FBXL17: variants seen among roughly 807,000 people sequenced by gnomAD.
The protein encoded by FBXL17 is F-box and leucine rich repeat protein 17, also known as F-box/LRR-repeat protein 17.
A neutral mutation model predicts 66.2 loss-of-function variants in FBXL17; 22 were observed. The observed-to-expected ratio is 0.33, with a 90% CI of 0.24 to 0.47. FBXL17 has a LOEUF of 0.47. Among genes scored for constraint, FBXL17 ranks in the 20% least tolerant of loss-of-function variants. The pLI, the probability that FBXL17 is intolerant of heterozygous loss-of-function variation, is 1.00. For missense variants in FBXL17, 878 were observed against 948.2 expected, an observed-to-expected ratio of 0.93 and a Z score of 0.97; for synonymous variants, 474 against 400.5, an observed-to-expected ratio of 1.18 and a Z score of -2.19.
At chr5:108,007,846 A>G (rs1753999253) in intron 7 of FBXL17, among the ~76,000 whole-genome samples, 1 of 152,206 alleles carries the variant, frequency 6.6e-6, no homozygotes. Context: ...TGAGAGCGTC[A>G]TCAGGTTTGT....
intron 6 of FBXL17, among the ~76,000 whole-genome samples, chr5:108,177,506 T>G (rs771109895): frequency 1.1e-4 from 17 of 152,218 alleles, no homozygotes; most frequent in Non-Finnish European, 2.5e-4. Flanking sequence ...ATCATTTAAA[T>G]TAAATATTCT....
intron 7 of FBXL17, among the ~76,000 whole-genome samples, chr5:107,944,228 A>G (rs1387353077): frequency 6.6e-6 from 1 of 152,142 alleles, no homozygotes; most frequent in Non-Finnish European, 1.5e-5. Flanking sequence ...TTCTATTTAC[A>G]CATCTGGTTG....
At chr5:108,121,038 A>G (rs1750472352) in intron 6 of FBXL17, among the ~76,000 whole-genome samples, 1 of 152,216 alleles carries the variant, frequency 6.6e-6, no homozygotes, top group African/African-American at 2.4e-5. Flanking sequence ...ACCGTTAAGA[A>G]AATCTTTTTG....
chr5:108,081,671 C>T (rs1368320524), intron 6 of FBXL17, among the ~76,000 whole-genome samples: 1 of 151,896 alleles, frequency 6.6e-6, no homozygotes, highest in Non-Finnish European at 1.5e-5. Context: ...TGCAGTGAGC[C>T]GAGATCGTGC....
At chr5:108,180,511 A>G (rs989687195) in intron 6 of FBXL17, among the ~76,000 whole-genome samples, 1 of 152,214 alleles carries the variant, frequency 6.6e-6, no homozygotes, top group Admixed American at 6.5e-5. Context: ...GTCTTTAAAA[A>G]AAAAAAGAAA....
At chr5:108,375,855 T>A (rs1749388522) in intron 1 of FBXL17, among the ~76,000 whole-genome samples, 1 of 152,068 alleles carries the variant, frequency 6.6e-6, no homozygotes, top group Non-Finnish European at 1.5e-5. Context: ...TGAATACCGA[T>A]GTGAAAATCT....
chr5:108,081,722 C>CA (rs1442541401), intron 6 of FBXL17, among the ~76,000 whole-genome samples: 1 of 151,544 alleles, frequency 6.6e-6, no homozygotes, highest in Non-Finnish European at 1.5e-5. Flanking sequence ...GACTCTGTCT[C>CA]AAAAAATAAA....
At chr5:108,175,007 A>G (rs1024962584) in intron 6 of FBXL17, among the ~76,000 whole-genome samples, 4 of 152,210 alleles carry the variant, frequency 2.6e-5, no homozygotes, top group African/African-American at 9.6e-5. Context: ...ATGACATTAA[A>G]TTTTCACTTT....
At chr5:107,977,049 TC>T (rs1370167574) in intron 7 of FBXL17, among the ~76,000 whole-genome samples, 1 of 152,196 alleles carries the variant, frequency 6.6e-6, no homozygotes, top group Non-Finnish European at 1.5e-5. Context: ...AATATGCTTA[TC>T]GCTTGCCACT....
intron 6 of FBXL17, among the ~76,000 whole-genome samples, chr5:108,042,189 TG>T (rs1580363002): frequency 6.6e-6 from 1 of 152,348 alleles, no homozygotes; most frequent in East Asian, 1.9e-4. Flanking sequence ...CCACCGCTCC[TG>T]GCCTTCAGTT....
intron 6 of FBXL17, among the ~76,000 whole-genome samples, chr5:108,139,622 C>T (rs970367588): frequency 6.6e-6 from 1 of 152,186 alleles, no homozygotes; most frequent in African/African-American, 2.4e-5. Context: ...AAGGGCCCTA[C>T]CCAATTGCTT....
At chr5:108,230,995 C>A (rs1048210481) in intron 4 of FBXL17, among the ~76,000 whole-genome samples, 2 of 152,134 alleles carry the variant, frequency 1.3e-5, no homozygotes, top group South Asian at 2.1e-4. Flanking sequence ...CCTATTAAAT[C>A]TTAATCAGCA....
At chr5:108,197,960 T>G (rs567303891) in intron 5 of FBXL17, among the ~76,000 whole-genome samples, 9 of 152,252 alleles carry the variant, frequency 5.9e-5, no homozygotes, top group African/African-American at 1.9e-4. Context: ...TTCTATCCCG[T>G]GATCAGATAC....
chr5:108,299,498 A>G (rs568361925), intron 4 of FBXL17: 82 of 940,566 alleles, frequency 8.7e-5, no homozygotes, highest in Non-Finnish European at 9.5e-5. Flanking sequence ...TTGAATAAGG[A>G]AAGAAAAGAA....
intron 8 of FBXL17, chr5:107,880,242 T>G: frequency 2.4e-6 from 1 of 424,494 alleles, no homozygotes; most frequent in Non-Finnish European, 3.2e-6. Context: ...TAATTTTTTT[T>G]TGTTGGGGGA....
rs549903590 is a variant in FBXL17 at position 108,079,491 on chromosome 5, G to C, written c.1746-58490C>G. 3.3e-5 allele frequency among the ~76,000 whole-genome samples: 5 copies of C among 152,066 alleles called. No homozygotes were observed. In the East Asian group the frequency reaches 5.8e-4, roughly 18 times the overall value. On this transcript the variant is annotated intron_variant, in intron 6 of 8. Coordinates refer to ENST00000542267, the MANE Select transcript of FBXL17 (RefSeq NM_001163315.3). ...TTGTATGATATGATGAAAGACACTG[G>C]GTAGAGTTTCAATACTGTTAAAGAC...
intron 6 of FBXL17, among the ~76,000 whole-genome samples, chr5:108,058,156 C>T (rs185454120): frequency 1.5e-3 from 230 of 152,310 alleles, no homozygotes; most frequent in South Asian, 4.4e-3. Context: ...TAAGTATTTA[C>T]TTAGCTAATT....
rs563757677 is a variant in FBXL17 at position 108,238,940 on chromosome 5, T to C, written c.1507-14712A>G. On this transcript the variant is annotated intron_variant, in intron 4 of 8. Transcript: ENST00000542267. ...TCAAATATTTTAAGTTGTAATTATATGACTGATATCATTTCAGTAGAGAGC... is the reference window on the plus strand; with the variant it reads ...TCAAATATTTTAAGTTGTAATTATACGACTGATATCATTTCAGTAGAGAGC... Among the ~76,000 whole-genome samples, 177 of 152,356 alleles carry C rather than the reference T, an allele frequency of 1.2e-3. 3 individuals carry two copies. The highest frequency in any genetic ancestry group is 4.0e-3 in the African/African-American group (166 of 41,590).
chr5:108,324,267 T>C (rs1471783860), intron 4 of FBXL17, among the ~76,000 whole-genome samples: 1 of 151,942 alleles, frequency 6.6e-6, no homozygotes, highest in Non-Finnish European at 1.5e-5. Context: ...ATGAGTAATG[T>C]ATTAGAAGAG....
Sources: allele counts gnomAD v4.1 joint callset (sites outside exome capture counted in the v4.1 genomes callset), GRCh38; gene constraint gnomAD v4.1.1; transcripts MANE v1.5; gene names NCBI Gene and HGNC (gene_info 2026-07-23, HGNC 2026-07-21).